The following DMD variants were observed in gnomAD, a reference collection of about 807,000 sequenced individuals.
DMD encodes mutant dystrophin.
DMD carries 63 observed loss-of-function variants against 330.1 expected under a neutral mutation model. That is an observed-to-expected ratio of 0.19 (90% CI 0.16 to 0.24). DMD has a LOEUF of 0.24. Among genes scored for constraint, DMD ranks in the 10% least tolerant of loss-of-function variants. The probability of loss-of-function intolerance (pLI) is 1.00; values close to 1 mark genes in which losing one functional copy is unlikely to be tolerated. For missense variants in DMD, 3,344 were observed against 2,684.1 expected, an observed-to-expected ratio of 1.25 and a Z score of -5.43; for synonymous variants, 1,223 against 959.8, an observed-to-expected ratio of 1.27 and a Z score of -5.07.
chrX:32,908,083 G>A (rs955160170), intron 2 of DMD, among the ~76,000 whole-genome samples: 14 of 111,489 alleles, frequency 1.3e-4, no homozygotes, highest in African/African-American at 4.6e-4. Context: ...CTGTTGCTAC[G>A]AGTCACCCTT....
intron 7 of DMD, among the ~76,000 whole-genome samples, chrX:32,733,217 C>G (rs933272743): frequency 1.8e-5 from 2 of 111,266 alleles, no homozygotes; most frequent in African/African-American, 6.6e-5. Context: ...AGCTAACTAT[C>G]CTAAATATAT....
chrX:32,094,511 A>G (rs2096493854), intron 44 of DMD, among the ~76,000 whole-genome samples: 1 of 111,614 alleles, frequency 9.0e-6, no homozygotes, highest in Non-Finnish European at 1.9e-5. Flanking sequence ...CTCAATACAC[A>G]AAACAGATAA....
intron 60 of DMD, among the ~76,000 whole-genome samples, chrX:31,414,167 C>G (rs1890398939): frequency 1.8e-5 from 2 of 110,649 alleles, no homozygotes; most frequent in African/African-American, 6.6e-5. Flanking sequence ...GCATGCACCA[C>G]CACACCCGGC....
chrX:31,262,531 T>G (rs773848441), intron 62 of DMD, among the ~76,000 whole-genome samples: 5 of 112,713 alleles, frequency 4.4e-5, no homozygotes, highest in Non-Finnish European at 7.5e-5. Flanking sequence ...TGAGGGCTAC[T>G]GAAATCAATT....
chrX:31,762,622 G>T (rs1232092662), intron 51 of DMD, among the ~76,000 whole-genome samples: 1 of 111,566 alleles, frequency 9.0e-6, no homozygotes, highest in Admixed American at 9.5e-5. Context: ...TCATGTTGGA[G>T]ATGACTGGGG....
intron 61 of DMD, among the ~76,000 whole-genome samples, chrX:31,341,885 G>A (rs778490804): frequency 0.015 from 1,033 of 66,874 alleles, 17 homozygotes; most frequent in African/African-American, 0.058. Context: ...GCGTGCGTGC[G>A]CGCGCGCACA....
At chrX:31,942,797 A>C (rs1044851804) in intron 45 of DMD, among the ~76,000 whole-genome samples, 5 of 112,091 alleles carry the variant, frequency 4.5e-5, no homozygotes, top group Non-Finnish European at 9.4e-5. Flanking sequence ...ATCGCACCCT[A>C]TCCTCAGTAC....
At chrX:32,534,664 C>T (rs777801966) in intron 17 of DMD, among the ~76,000 whole-genome samples, 9 of 111,380 alleles carry the variant, frequency 8.1e-5, no homozygotes, top group Non-Finnish European at 1.5e-4. Context: ...CTTGCTGTGT[C>T]CTCCCAAGGC....
intron 18 of DMD, among the ~76,000 whole-genome samples, chrX:32,510,573 G>T (rs762803209): frequency 1.8e-5 from 2 of 111,639 alleles, no homozygotes; most frequent in Non-Finnish European, 3.8e-5. Context: ...CCATGAAAGT[G>T]GCTGGTACAT....
At chrX:31,131,198 A>G (rs2034442524) in intron 77 of DMD, among the ~76,000 whole-genome samples, 1 of 112,410 alleles carries the variant, frequency 8.9e-6, no homozygotes, top group African/African-American at 3.2e-5. Context: ...ATTTTTTTGA[A>G]AGATAATTCA....
chrX:32,968,455 A>G (rs1006587643), intron 2 of DMD, among the ~76,000 whole-genome samples: 18 of 110,899 alleles, frequency 1.6e-4, no homozygotes, highest in Non-Finnish European at 2.5e-4. Flanking sequence ...GCTGGAGAGT[A>G]TGTCAAGATA....
chrX:32,635,027 G>A (rs1313448360), intron 11 of DMD, among the ~76,000 whole-genome samples: 1 of 112,075 alleles, frequency 8.9e-6, no homozygotes, highest in Non-Finnish European at 1.9e-5. Context: ...CAAACACTGG[G>A]ATGGATGATT....
intron 43 of DMD, among the ~76,000 whole-genome samples, chrX:32,286,920 A>G (rs901772017): frequency 8.9e-6 from 1 of 112,050 alleles, no homozygotes; most frequent in African/African-American, 3.2e-5. Flanking sequence ...AATGTAAAAG[A>G]AAGAGTAATC....
At chrX:32,534,065 C>T (rs2047724559) in intron 17 of DMD, among the ~76,000 whole-genome samples, 1 of 112,077 alleles carries the variant, frequency 8.9e-6, no homozygotes, top group South Asian at 3.7e-4. Context: ...AAGTAATACT[C>T]ATTGCTTAAC....
intron 55 of DMD, among the ~76,000 whole-genome samples, chrX:31,515,312 C>T (rs11795947): frequency 1.8e-5 from 2 of 111,385 alleles, no homozygotes; most frequent in Admixed American, 1.9e-4. Flanking sequence ...TTATTGGTCT[C>T]TAAAATAGGA....
intron 30 of DMD, 130 bp from the exon 31 acceptor site, chrX:32,390,311 G>A (rs1307412353): frequency 3.8e-6 from 2 of 527,336 alleles, no homozygotes; most frequent in East Asian, 7.4e-5. Flanking sequence ...CCGTAAATTG[G>A]CCAAGAGTGG....
At chrX:31,832,542 T>C (rs2093074106) in intron 49 of DMD, among the ~76,000 whole-genome samples, 1 of 112,316 alleles carries the variant, frequency 8.9e-6, no homozygotes, top group Non-Finnish European at 1.9e-5. Flanking sequence ...ATAATTGCCC[T>C]CTTGACCATT....
intron 7 of DMD, among the ~76,000 whole-genome samples, chrX:32,779,911 C>A (rs2074549574): frequency 9.0e-6 from 1 of 111,266 alleles, no homozygotes; most frequent in African/African-American, 3.3e-5. Flanking sequence ...TCAAGATATT[C>A]TTGGGAAAAT....
intron 44 of DMD, among the ~76,000 whole-genome samples, chrX:32,169,577 T>A (rs976503909): frequency 8.9e-6 from 1 of 111,868 alleles, no homozygotes; most frequent in African/African-American, 3.2e-5. Flanking sequence ...GTGATGCTGG[T>A]GATCCAAAAA....
Sources: gnomAD v4.1 joint callset for allele counts (sites outside exome capture counted in the v4.1 genomes callset) on GRCh38, gnomAD v4.1.1 for gene constraint, MANE v1.5 for transcripts, NCBI Gene and HGNC (gene_info 2026-07-23, HGNC 2026-07-21) for gene names.